The following LY75 variants were observed in gnomAD, a reference collection of about 807,000 sequenced individuals.
LY75 encodes the protein lymphocyte antigen 75, also known as C-type lectin domain family 13 member B.
A neutral mutation model predicts 231.7 loss-of-function variants in LY75; 185 were observed. That is an observed-to-expected ratio of 0.80 (90% CI 0.71 to 0.90). The LOEUF (loss-of-function observed/expected upper bound fraction) is 0.90, where lower values mean the gene tolerates loss of function less well. Ranked by LOEUF, LY75 falls within the 40% of genes least tolerant of loss-of-function variation. LY75 has a pLI of 0.00. For synonymous variants in LY75, 668 were observed against 689.0 expected (o/e 0.97, Z 0.48); for missense variants, 1,947 against 2,050.2 (o/e 0.95, Z 0.97).
chr2:159,819,569 G>A (rs1047786162), intron 29 of LY75, among the ~76,000 whole-genome samples, 157 bp downstream of exon 29: 6 of 152,152 alleles, frequency 3.9e-5, no homozygotes, highest in African/African-American at 1.2e-4. Flanking sequence ...CTTGACAGCA[G>A]GGCCCGTATC....
chr2:159,829,543 G>A (rs1021036619), intron 28 of LY75, among the ~76,000 whole-genome samples: 3 of 151,748 alleles, frequency 2.0e-5, no homozygotes, highest in Non-Finnish European at 2.9e-5. Context: ...CTATATCAAC[G>A]TAACCAAAAA....
chr2:159,865,784 T>C (rs578001611), intron 13 of LY75, among the ~76,000 whole-genome samples: 4 of 152,222 alleles, frequency 2.6e-5, no homozygotes, highest in South Asian at 4.1e-4. Flanking sequence ...AGTATTCAGA[T>C]TGGCCAAGAG....
rs1416563907 is a variant in LY75, at chr2:159,815,450, A to G, written c.4504T>C (p.Cys1502Arg). The G allele has an allele frequency of 1.2e-6, 2 of 1,612,902 alleles. No homozygotes were observed. Among genetic ancestry groups the G allele is most frequent in the Non-Finnish European group, 1.7e-6 (2 of 1,179,744 alleles). ...DPKGTWKHEKCNSVKDGAICY... is the reference protein window; with the variant it reads ...DPKGTWKHEKRNSVKDGAICY... ...ATAGCACCATCCTTAACAGAGTTGC[A>G]TTTTTCATGTTTCCAAGTTCCTTTT... The change falls in exon 31 of 35, where the codon TGC becomes CGC. Residue 1502 changes from cysteine (C) to arginine (R), a missense_variant. Cys to Arg is a radical substitution (Grantham distance 180). Coordinates refer to ENST00000263636, the MANE Select transcript of LY75 (RefSeq NM_002349.4).
chr2:159,834,697 G>A (rs1297801065), intron 26 of LY75, among the ~76,000 whole-genome samples: 1 of 152,150 alleles, frequency 6.6e-6, no homozygotes, highest in Non-Finnish European at 1.5e-5. Context: ...TTTAAAATCT[G>A]ACATCTACAG....
At chr2:159,820,913 C>A (rs966259130) in intron 28 of LY75, among the ~76,000 whole-genome samples, 1 of 152,172 alleles carries the variant, frequency 6.6e-6, no homozygotes, top group Non-Finnish European at 1.5e-5. Flanking sequence ...GATCTCAGCT[C>A]ACTGCAACCT....
chr2:159,853,630 T>G lies in LY75; in HGVS notation c.2663A>C (p.Tyr888Ser), dbSNP rs749333888. Reference sequence around the variant, plus strand: ...AGGTAGAATCAATGATGTCACCTACTATGTAAAATGATCATCTATTGGCCA... The same window carrying G: ...AGGTAGAATCAATGATGTCACCTACGATGTAAAATGATCATCTATTGGCCA... ...SEWPIDDHFT[Y>S]SRYPWHRFPV... is the part of the protein sequence containing the mutation. Residue 888 changes from tyrosine (Y) to serine (S), a missense_variant and splice_region_variant, in exon 19 of 35, where the codon TAC becomes TCC. Coordinates refer to ENST00000263636, the MANE Select transcript of LY75 (RefSeq NM_002349.4). 10 of 1,613,524 alleles carry G rather than the reference T, an allele frequency of 6.2e-6. No homozygotes were observed. The highest frequency in any genetic ancestry group is 1.3e-5 in the African/African-American group (1 of 75,044).
intron 1 of LY75, chr2:159,903,253 T>G (rs546807727): frequency 2.2e-4 from 33 of 152,326 alleles, no homozygotes; most frequent in Admixed American, 1.8e-3. Flanking sequence ...AGGGAAATCC[T>G]GAAATTTGTG....
In LY75 at chr2:159,869,083, G is replaced by A. The variant is rs1428275852; in HGVS notation, c.2117+3368C>T. ...CAAACACCGCATGTTCTCACTCACA[G>A]GTGGGAATTGAACAATGAGAACACT... On this transcript the variant is annotated intron_variant, in intron 13 of 34. Transcript: ENST00000263636. Among the ~76,000 whole-genome samples the A allele has an allele frequency of 2.6e-5, 4 of 152,112 alleles. No homozygotes were observed. In the East Asian group the frequency reaches 7.7e-4, roughly 29 times the overall value.
intron 31 of LY75, 127 bp from the exon 32 acceptor site, chr2:159,810,802 G>T: frequency 7.3e-7 from 1 of 1,370,268 alleles, no homozygotes. Flanking sequence ...TCATACCAGA[G>T]AAAGCCACAG....
At position 159,803,363 on chromosome 2, in the gene LY75, TTACTTA is replaced by T. The variant is rs1682713421; in HGVS notation, c.*1675_*1680del. The T allele has an allele frequency of 6.6e-6, 1 of 152,198 alleles. No homozygotes were observed. Among genetic ancestry groups the T allele is most frequent in the Non-Finnish European group, 1.5e-5 (1 of 68,036 alleles). The allele number at this position is 152,198 out of a possible 1,614,324, so 9.4% of individuals were successfully genotyped here. Reference sequence around the variant, plus strand: ...AGGATCAACTCCAGCACTTTTACTTTTACTTAAAAGATAAAACAACTTTATTATGAC... The same window carrying T: ...AGGATCAACTCCAGCACTTTTACTTTAAAGATAAAACAACTTTATTATGAC... On this transcript the variant is annotated 3_prime_UTR_variant, in exon 35 of 35. Coordinates refer to ENST00000263636, the MANE Select transcript of LY75 (RefSeq NM_002349.4).
intron 29 of LY75, among the ~76,000 whole-genome samples, 198 bp downstream of exon 29, chr2:159,819,528 A>G (rs1683222987): frequency 6.6e-6 from 1 of 152,138 alleles, no homozygotes; most frequent in South Asian, 2.1e-4. Context: ...TGCTGTCTCC[A>G]CAACTACATT....
At chr2:159,881,265 T>C in intron 7 of LY75, 25 bp from the exon 8 acceptor site, 2 of 1,601,842 alleles carry the variant, frequency 1.2e-6, no homozygotes. Context: ...TATTATTTGT[T>C]TGGTTTTGCT....
chr2:159,806,591 G>A (rs1682798814), intron 34 of LY75, among the ~76,000 whole-genome samples: 1 of 152,154 alleles, frequency 6.6e-6, no homozygotes. Flanking sequence ...AATTAACCAT[G>A]AGTTTTATGG....
rs542316028 is a variant in LY75 at position 159,853,460 on chromosome 2, T to C, written c.2664-108A>G. On this transcript the variant is annotated intron_variant, in intron 19 of 34. Coordinates refer to ENST00000263636, the MANE Select transcript of LY75 (RefSeq NM_002349.4). ...CTAAATTTAATGTTAATACCATTACTCTATACCCCTTTTTTCTTGATGCTA... is the reference window on the plus strand; with the variant it reads ...CTAAATTTAATGTTAATACCATTACCCTATACCCCTTTTTTCTTGATGCTA... The C allele has an allele frequency of 1.6e-5, 24 of 1,477,038 alleles. No homozygotes were observed. The Admixed American group carries it at 2.1e-4, about 13-fold the overall frequency. 91.5% of individuals were successfully genotyped at this position (1,477,038 alleles called of 1,614,324 possible).
At chr2:159,841,037 C>T (rs1344498566) in intron 24 of LY75, 82 bp from the exon 25 acceptor site, 1 of 1,551,548 alleles carries the variant, frequency 6.4e-7, no homozygotes, top group Non-Finnish European at 8.6e-7. Context: ...CACATTTCTC[C>T]CCATACTAAT....
intron 4 of LY75, among the ~76,000 whole-genome samples, chr2:159,889,302 C>T (rs1175361065): frequency 6.6e-6 from 1 of 152,112 alleles, no homozygotes; most frequent in African/African-American, 2.4e-5. Flanking sequence ...CATCATAGCT[C>T]TCTGCAGCTT....
chr2:159,823,444 C>T (rs1049712562), intron 28 of LY75, among the ~76,000 whole-genome samples: 4 of 152,028 alleles, frequency 2.6e-5, no homozygotes, highest in Admixed American at 6.6e-5. Flanking sequence ...AAATATGGGA[C>T]TATGTGAAAA....
chr2:159,850,789 T>TATATATATATATATATATATATA (rs796940571), intron 21 of LY75, among the ~76,000 whole-genome samples: 1 of 88,670 alleles, frequency 1.1e-5, no homozygotes, highest in East Asian at 2.4e-4. Context: ...TATATATATA[T>TATATATATATATATATATATATA]ATATATATAT....
At chr2:159,816,711 C>G in intron 30 of LY75, 95 bp downstream of exon 30, 2 of 1,513,584 alleles carry the variant, frequency 1.3e-6, no homozygotes, top group South Asian at 1.3e-5. Flanking sequence ...AGTACTTCAT[C>G]TAATGTTGTA....
Sources: allele counts gnomAD v4.1 joint callset (sites outside exome capture counted in the v4.1 genomes callset), GRCh38; gene constraint gnomAD v4.1.1; transcripts MANE v1.5; gene names NCBI Gene and HGNC (gene_info 2026-07-23, HGNC 2026-07-21).